Variants in SORBS3 observed in about 807,000 individuals in gnomAD.
The protein encoded by SORBS3 is sorbin and SH3 domain containing 3.
SORBS3 carries 69 observed loss-of-function variants against 98.0 expected under a neutral mutation model. The observed-to-expected ratio is 0.70, with a 90% CI of 0.58 to 0.86. The LOEUF (loss-of-function observed/expected upper bound fraction) is 0.86, where lower values mean the gene tolerates loss of function less well. SORBS3 is among the 40% of genes least tolerant of loss of function. The pLI, the probability that SORBS3 is intolerant of heterozygous loss-of-function variation, is 0.00. For missense variants in SORBS3, 954 were observed against 908.5 expected (o/e 1.05, Z -0.64); for synonymous variants, 394 against 355.4 (o/e 1.11, Z -1.22).
chr8:22,568,248 GT>G, intron 16 of SORBS3, among the ~76,000 whole-genome samples: 1 of 152,210 alleles, frequency 6.6e-6, no homozygotes, highest in Middle Eastern at 3.4e-3. Flanking sequence ...TTTTATTCAT[GT>G]TTTTCTCTCG....
Position 22,566,967 on chromosome 8 carries a change from G to A in SORBS3, c.1191-94G>A. 4.5e-6 allele frequency: 7 copies of A among 1,550,494 alleles called. No homozygotes were observed. In the South Asian group the frequency reaches 7.9e-5, roughly 18 times the overall value. On this transcript the variant is annotated intron_variant, in intron 15 of 20. Coordinates refer to ENST00000240123, the MANE Select transcript of SORBS3 (RefSeq NM_005775.5). ...CTGGGCTGCAGTGGGCATCCCCAAGGGGTGAGAGAACTGGGGTGTGTTGGG... is the reference window on the plus strand; with the variant it reads ...CTGGGCTGCAGTGGGCATCCCCAAGAGGTGAGAGAACTGGGGTGTGTTGGG...
At chr8:22,574,090 C>T (rs756605155) in intron 20 of SORBS3, among the ~76,000 whole-genome samples, 4 of 152,162 alleles carry the variant, frequency 2.6e-5, no homozygotes, top group East Asian at 1.9e-4. Flanking sequence ...CTTCATGGCA[C>T]GAAGGAAAGC....
intron 5 of SORBS3, among the ~76,000 whole-genome samples, chr8:22,558,994 C>T (rs1348326095): frequency 6.6e-6 from 1 of 152,178 alleles, no homozygotes; most frequent in African/African-American, 2.4e-5. Context: ...GTGGTGGTGT[C>T]AGGGTACGTG....
intron 20 of SORBS3, 49 bp downstream of exon 20, chr8:22,572,495 G>A (rs1429649769): frequency 1.4e-6 from 2 of 1,425,512 alleles, no homozygotes; most frequent in Non-Finnish European, 9.9e-7. Flanking sequence ...AGGGGATGTG[G>A]GTGGGGTGCT....
Position 22,572,320 on chromosome 8 carries a change from C to T in SORBS3, c.1848-20C>T. ...AGCCTCTGGGCCCATTCTCTGGTTG[C>T]CATGATACGCTTCTCGCAGGTACCG... is the stretch of plus-strand genomic sequence containing the variant. On this transcript the variant is annotated intron_variant, in intron 19 of 20. Transcript: ENST00000240123. 2 of 1,606,636 alleles carry T rather than the reference C, an allele frequency of 1.2e-6. No homozygotes were observed. The highest frequency in any genetic ancestry group is 1.7e-6 in the Non-Finnish European group (2 of 1,173,298).
intron 20 of SORBS3, among the ~76,000 whole-genome samples, 160 bp downstream of exon 20, chr8:22,572,606 C>G (rs987889005): frequency 1.3e-5 from 2 of 152,212 alleles, no homozygotes; most frequent in Non-Finnish European, 2.9e-5. Flanking sequence ...GATGCTTCCC[C>G]AAAGCCAGCC....
rs1159994337 is a variant in SORBS3, at chr8:22,574,943, A to C, written c.*215A>C. ...CAGGCATTCCTCCCACAGCCCTTTC[A>C]TTTCCTCCCCACCCCACTCCCCAAA... On this transcript the variant is annotated 3_prime_UTR_variant, in exon 21 of 21. Coordinates refer to ENST00000240123, the MANE Select transcript of SORBS3 (RefSeq NM_005775.5). 1 of 670,580 alleles carries C rather than the reference A, an allele frequency of 1.5e-6. No homozygotes were observed. Among genetic ancestry groups the C allele is most frequent in the Non-Finnish European group, 2.7e-6 (1 of 369,242 alleles). 41.5% of individuals were successfully genotyped at this position (670,580 alleles called of 1,614,324 possible).
upstream of SORBS3, among the ~76,000 whole-genome samples, chr8:22,548,831 CCCG>C (rs1840043239): frequency 6.6e-6 from 1 of 152,148 alleles, no homozygotes; most frequent in Admixed American, 6.5e-5. Context: ...CCCCGCTCAC[CCCG>C]CCTTCACTTC....
In SORBS3 at chr8:22,566,725, A is replaced by T. The variant is rs1477550003; in HGVS notation, c.1143+12A>T. On this transcript the variant is annotated intron_variant, in intron 14 of 20. Coordinates refer to ENST00000240123, the MANE Select transcript of SORBS3 (RefSeq NM_005775.5). ...GGGAAGAGAAGAAGGTAAGGAGGGG[A>T]CCAGGTGTGGGGGACCTGGAGTGGT... 1 of 1,613,542 alleles carries T rather than the reference A, an allele frequency of 6.2e-7. No homozygotes were observed. Among genetic ancestry groups the T allele is most frequent in the South Asian group, 1.1e-5 (1 of 91,066 alleles).
At position 22,567,148 on chromosome 8, in the gene SORBS3, G is replaced by T; in HGVS notation, c.1278G>T (p.Leu426=). 1 of 1,613,004 alleles carries T rather than the reference G, an allele frequency of 6.2e-7. No individual in the cohort carries two copies. The part of the protein sequence containing the change: ...NWLEGEHHGR[L]GIFPANYVEV... ...TGGAGGGAGAGCACCACGGCCGCCT[G>T]GGCATCTTCCCTGCTAATTATGTGG... The change falls in exon 16 of 21, where the codon CTG becomes CTT. Residue 426 remains leucine (L), a synonymous_variant. Transcript: ENST00000240123.
intron 16 of SORBS3, among the ~76,000 whole-genome samples, chr8:22,567,490 C>G (rs988750311): frequency 2.0e-5 from 3 of 152,206 alleles, no homozygotes; most frequent in Admixed American, 6.5e-5. Flanking sequence ...TGGCAACTAG[C>G]AAGAGTGGGA....
In SORBS3 at chr8:22,554,976, C is replaced by A; in HGVS notation, c.216C>A (p.His72Gln). ...GYTPRRDASQHPDPAWYQTWP... is the reference protein window; with the variant it reads ...GYTPRRDASQQPDPAWYQTWP... ...CACCAAGACGAGATGCTTCCCAGCA[C>A]CCGGGTAGGTCTGCTCAGGAGCCTC... The change falls in exon 3 of 21, where the codon CAC becomes CAA. Residue 72 changes from histidine (H) to glutamine (Q), a missense_variant. His to Gln is a conservative substitution (Grantham distance 24). Coordinates refer to ENST00000240123, the MANE Select transcript of SORBS3 (RefSeq NM_005775.5). This position sits in a 1 kb window ranked among gnomAD's most constrained non-coding sequence, Gnocchi z 6.5. The A allele has an allele frequency of 6.2e-7, 1 of 1,612,872 alleles. No homozygotes were observed. The highest frequency in any genetic ancestry group is 8.5e-7 in the Non-Finnish European group (1 of 1,179,382).
intron 10 of SORBS3, chr8:22,564,843 A>G (rs1410228063): frequency 8.0e-7 from 1 of 1,243,270 alleles, no homozygotes; most frequent in African/African-American, 1.5e-5. Flanking sequence ...GCGAAGACCC[A>G]TAGCAGAGGC....
At chr8:22,564,145 G>T in intron 8 of SORBS3, 68 bp downstream of exon 8, 2 of 1,536,322 alleles carry the variant, frequency 1.3e-6, no homozygotes, top group South Asian at 2.2e-5. Flanking sequence ...CCTATGCCAC[G>T]ATGTCCTTTC....
chr8:22,565,017 G>A, intron 10 of SORBS3: 2 of 1,395,612 alleles, frequency 1.4e-6, no homozygotes, highest in Non-Finnish European at 1.9e-6. Context: ...AAACTGGCAG[G>A]ACTGCGGAAT....
At chr8:22,547,007 C>T (rs1441251474), upstream of SORBS3, among the ~76,000 whole-genome samples, 2 of 152,150 alleles carry the variant, frequency 1.3e-5, no homozygotes, top group African/African-American at 2.4e-5. Context: ...AGTGAGGTGA[C>T]TTTTACACTA....
At chr8:22,550,124 C>A, upstream of SORBS3, 1 of 579,724 alleles carries the variant, frequency 1.7e-6, no homozygotes, top group Non-Finnish European at 2.2e-6. Context: ...AAGAGGCTAC[C>A]TGGCGTGGAT....
Position 22,554,440 on chromosome 8 carries a change from C to T in SORBS3, c.-55-12C>T. On this transcript the variant is annotated splice_polypyrimidine_tract_variant and intron_variant, in intron 1 of 20. Coordinates refer to ENST00000240123, the MANE Select transcript of SORBS3 (RefSeq NM_005775.5). The surrounding 1 kb of genome is among the most constrained non-coding windows in gnomAD (Gnocchi z 6.5). ...CTAGCAGGGCTTTCCCTTCCTTCCT[C>T]CTTCCCCACAGAGGACACGCAGAGG... is the stretch of plus-strand genomic sequence containing the variant. 1.3e-6 allele frequency: 2 copies of T among 1,568,734 alleles called. No individual in the cohort carries two copies. The highest frequency in any genetic ancestry group is 1.7e-6 in the Non-Finnish European group (2 of 1,163,444).
At chr8:22,548,511 G>A (rs942528477), upstream of SORBS3, among the ~76,000 whole-genome samples, 1 of 152,180 alleles carries the variant, frequency 6.6e-6, no homozygotes, top group Non-Finnish European at 1.5e-5. Flanking sequence ...GCTCAGCTTA[G>A]AGGAAGGAAG....
Sources: gnomAD v4.1 joint callset for allele counts (sites outside exome capture counted in the v4.1 genomes callset) on GRCh38, gnomAD v4.1.1 for gene constraint, Gnocchi (gnomAD v3.1) non-coding constraint, MANE v1.5 for transcripts, NCBI Gene and HGNC (gene_info 2026-07-23, HGNC 2026-07-21) for gene names.